The following ZFAND1 variants were observed in gnomAD, a reference collection of about 807,000 sequenced individuals.
The protein encoded by ZFAND1 is AN1-type zinc finger protein 1.
A neutral mutation model predicts 38.5 loss-of-function variants in ZFAND1; 40 were observed. The observed-to-expected ratio is 1.04, with a 90% CI of 0.81 to 1.35. The LOEUF (loss-of-function observed/expected upper bound fraction) is 1.35. ZFAND1 is among the 40% of genes most tolerant of loss of function. The pLI is 0.00. For synonymous variants in ZFAND1, 117 were observed against 103.6 expected, an observed-to-expected ratio of 1.13 and a Z score of -0.78; for missense variants, 346 against 316.3, an observed-to-expected ratio of 1.09 and a Z score of -0.71.
At chr8:81,718,694 C>T (rs1808383724) in intron 1 of ZFAND1, among the ~76,000 whole-genome samples, 1 of 148,494 alleles carries the variant, frequency 6.7e-6, no homozygotes, top group African/African-American at 2.5e-5. Flanking sequence ...TATCTGTGTA[C>T]TAATATATAT....
intron 6 of ZFAND1, 23 bp from the exon 7 acceptor site, chr8:81,703,147 C>T: frequency 6.8e-7 from 1 of 1,463,638 alleles, no homozygotes; most frequent in African/African-American, 1.4e-5. Context: ...AAAGTTAAAA[C>T]AACCATTACA....
intron 6 of ZFAND1, among the ~76,000 whole-genome samples, chr8:81,706,636 A>C (rs998516483): frequency 3.9e-5 from 6 of 152,000 alleles, no homozygotes; most frequent in African/African-American, 1.4e-4. Flanking sequence ...GATTATAGAT[A>C]ATGTAGTATG....
At chr8:81,719,356 A>ACACAG (rs1563611539) in intron 1 of ZFAND1, among the ~76,000 whole-genome samples, 1 of 55,082 alleles carries the variant, frequency 1.8e-5, no homozygotes, top group African/African-American at 8.2e-5. Context: ...CACACACACA[A>ACACAG]ATTAGCTGGG....
intron 6 of ZFAND1, among the ~76,000 whole-genome samples, chr8:81,709,128 A>G (rs1417465654): frequency 6.6e-6 from 1 of 152,230 alleles, no homozygotes; most frequent in East Asian, 1.9e-4. Context: ...CATTAATTGA[A>G]AAATGACAAA....
At chr8:81,715,993 A>G (rs1808296964) in intron 3 of ZFAND1, among the ~76,000 whole-genome samples, 1 of 152,232 alleles carries the variant, frequency 6.6e-6, no homozygotes, top group Admixed American at 6.5e-5. Context: ...ATTTCCTCCA[A>G]TTAATGCTGC....
intron 1 of ZFAND1, 81 bp downstream of exon 1, chr8:81,721,146 C>A (rs1471038163): frequency 2.6e-6 from 4 of 1,521,028 alleles, no homozygotes; most frequent in African/African-American, 2.8e-5. Flanking sequence ...CCTCCCTTCA[C>A]CCGCCGCCAC....
Position 81,703,123 on chromosome 8 carries a change from G to A in ZFAND1, c.482C>T (p.Thr161Ile). The A allele has an allele frequency of 1.3e-6, 2 of 1,487,560 alleles. No individual in the cohort carries two copies. Among genetic ancestry groups the A allele is most frequent in the Non-Finnish European group, 1.8e-6 (2 of 1,113,092 alleles). The allele number at this position is 1,487,560 out of a possible 1,614,324, so 92.1% of individuals were successfully genotyped here. A position where few individuals can be genotyped will look rare whatever the true frequency, so the allele number is the denominator to read the frequency against. The change falls in exon 7 of 8, where the codon ACA becomes ATA. Residue 161 changes from threonine to isoleucine, a missense_variant and splice_region_variant. Physicochemically the swap from Thr to Ile is moderately conservative, Grantham distance 89 (BLOSUM62 -1). Transcript: ENST00000220669. The stretch of plus-strand genomic sequence containing the variant: ...GAAAACCTGAAAGTAAATTCTTTCT[G>A]TCTGTAAAAAGAAAAAGTTAAAACA... Reference protein sequence around the residue: ...HADGDKSLPQTERIYFQVFLP... With the variant: ...HADGDKSLPQIERIYFQVFLP...
intron 1 of ZFAND1, among the ~76,000 whole-genome samples, chr8:81,719,355 A>ACACACACACACACACACACAC (rs1563611520): frequency 2.7e-5 from 4 of 150,002 alleles, no homozygotes; most frequent in Non-Finnish European, 4.4e-5. Context: ...ACACACACAC[A>ACACACACACACACACACACAC]AATTAGCTGG....
chr8:81,714,161 A>G (rs557733901), intron 5 of ZFAND1, 122 bp from the exon 6 acceptor site: 6 of 903,088 alleles, frequency 6.6e-6, no homozygotes, highest in South Asian at 4.0e-5. Context: ...AGATATACAG[A>G]GACCACATTC....
chr8:81,718,102 A>G (rs1808367554), intron 2 of ZFAND1, 80 bp downstream of exon 2: 3 of 1,159,062 alleles, frequency 2.6e-6, no homozygotes, highest in African/African-American at 3.1e-5. Flanking sequence ...ATTATTTTAA[A>G]TCATTCTACT....
intron 6 of ZFAND1, chr8:81,708,811 T>A (rs1366208257): frequency 2.3e-5 from 29 of 1,265,592 alleles, no homozygotes; most frequent in Non-Finnish European, 2.9e-5. Flanking sequence ...TTAAAAATAC[T>A]TCACTCCAGA....
chr8:81,721,059 C>A, intron 1 of ZFAND1, 168 bp downstream of exon 1: 1 of 596,252 alleles, frequency 1.7e-6, no homozygotes. Context: ...CCAAAAAAAA[C>A]CCGCACCAAC....
At chr8:81,717,728 T>G (rs376209977) in intron 2 of ZFAND1, among the ~76,000 whole-genome samples, 1 of 152,154 alleles carries the variant, frequency 6.6e-6, no homozygotes, top group Admixed American at 6.5e-5. Flanking sequence ...ATTTAAATGC[T>G]TGACATTTTA....
chr8:81,707,226 G>A (rs1015517284), intron 6 of ZFAND1, among the ~76,000 whole-genome samples: 11 of 152,162 alleles, frequency 7.2e-5, no homozygotes, highest in Non-Finnish European at 1.0e-4. Flanking sequence ...AAGCTTAGGA[G>A]CAGGAAAGGA....
intron 6 of ZFAND1, among the ~76,000 whole-genome samples, chr8:81,710,292 T>C (rs945621432): frequency 7.9e-5 from 12 of 152,230 alleles, no homozygotes; most frequent in African/African-American, 2.9e-4. Context: ...TTTCTCCATA[T>C]GCATCTTTTG....
chr8:81,712,952 T>C (rs1226383472), intron 6 of ZFAND1, among the ~76,000 whole-genome samples: 1 of 152,174 alleles, frequency 6.6e-6, no homozygotes, highest in Non-Finnish European at 1.5e-5. Flanking sequence ...CAACAGGAAG[T>C]TGACCATATC....
chr8:81,702,839 T>C lies in ZFAND1; in HGVS notation c.663A>G (p.Ser221=), dbSNP rs546228778. The C allele has an allele frequency of 5.6e-6, 9 of 1,597,372 alleles. No individual in the cohort carries two copies. The East Asian group carries it at 6.8e-5, about 12-fold the overall frequency. The change falls in exon 8 of 8, where the codon TCA becomes TCG. Residue 221 remains serine, a synonymous_variant. Coordinates refer to ENST00000220669, the MANE Select transcript of ZFAND1 (RefSeq NM_024699.3). ...TATGATCCAAGGGTAAGGCTTCTCC[T>C]GAAGTAATGTGACACAGCCTTAATT... ...AKKLRLCHIT[S]GEALPLDHTL... is the part of the protein sequence containing the mutation.
intron 1 of ZFAND1, among the ~76,000 whole-genome samples, chr8:81,719,287 G>A (rs374922562): frequency 7.9e-5 from 11 of 139,106 alleles, no homozygotes; most frequent in African/African-American, 2.8e-4. Flanking sequence ...TGGCCAACAT[G>A]GCGAAACCCC....
At chr8:81,704,686 A>T (rs1200928845) in intron 6 of ZFAND1, among the ~76,000 whole-genome samples, 1 of 152,192 alleles carries the variant, frequency 6.6e-6, no homozygotes, top group Non-Finnish European at 1.5e-5. Context: ...GCATAACAGG[A>T]GCATCTCTAA....
Sources: allele counts gnomAD v4.1 joint callset (sites outside exome capture counted in the v4.1 genomes callset), GRCh38; gene constraint gnomAD v4.1.1; transcripts MANE v1.5; gene names NCBI Gene and HGNC (gene_info 2026-07-23, HGNC 2026-07-21).